The following AMOTL2 variants were observed in gnomAD, a reference collection of about 807,000 sequenced individuals.
AMOTL2 encodes angiomotin like 2.
In AMOTL2, 33 loss-of-function variants were observed where a neutral mutation model predicts 78.4. The ratio of observed to expected loss-of-function variants is 0.42; its 90% CI spans 0.32 to 0.56. The LOEUF is 0.56. Ranked by LOEUF, AMOTL2 falls within the 20% of genes least tolerant of loss-of-function variation. The pLI is 0.12. For synonymous variants in AMOTL2, 422 were observed against 428.8 expected (o/e 0.98, Z 0.20); for missense variants, 983 against 1,030.1 (o/e 0.95, Z 0.63).
Position 134,367,485 on chromosome 3 carries a change from A to T in AMOTL2, c.1041+12T>A, listed in dbSNP as rs2017659226. The T allele has an allele frequency of 6.2e-7, 1 of 1,610,122 alleles. No homozygotes were observed. Among genetic ancestry groups the T allele is most frequent in the Admixed American group, 1.7e-5 (1 of 59,434 alleles). ...TTCTGGTCTGCCCTTCTGAAGCCCC[A>T]GCAGGGCCTACCTTCTCAATGCGGC... On this transcript the variant is annotated intron_variant, in intron 3 of 9. Coordinates refer to ENST00000249883, the MANE Select transcript of AMOTL2 (RefSeq NM_016201.4).
chr3:134,358,560 C>T lies in AMOTL2; in HGVS notation c.2264G>A (p.Ser755Asn), dbSNP rs764845283. The T allele has an allele frequency of 1.3e-5, 21 of 1,613,740 alleles. 1 individual carries two copies. In the South Asian group the frequency reaches 2.3e-4, roughly 18 times the overall value. ...EPDSLLGCSSSQRAASLDSVA... is the reference protein window; with the variant it reads ...EPDSLLGCSSNQRAASLDSVA... ...CTTACCCAGAGAGGCTGCTCTCTGG[C>T]TACTGCTGCACCCCAGAAGGCTGTC... is the stretch of plus-strand genomic sequence containing the variant. Residue 755 changes from serine to asparagine, a missense_variant, in exon 9 of 10, where the codon AGC becomes AAC. Ser to Asn is a conservative substitution (Grantham distance 46). Transcript: ENST00000249883.
At chr3:134,364,045 C>A (rs1445850807) in intron 5 of AMOTL2, among the ~76,000 whole-genome samples, 1 of 152,150 alleles carries the variant, frequency 6.6e-6, no homozygotes, top group Non-Finnish European at 1.5e-5. Context: ...GCCCGAAGGC[C>A]AGCGGAGGAG....
chr3:134,370,418 CT>C (rs2017797050), intron 2 of AMOTL2, among the ~76,000 whole-genome samples: 2 of 152,222 alleles, frequency 1.3e-5, no homozygotes, highest in South Asian at 4.1e-4. Context: ...CTTTAACCCC[CT>C]GCTGCAATTT....
Position 134,367,663 on chromosome 3 carries a change from G to A in AMOTL2, c.875C>T (p.Ala292Val). Residue 292 changes from alanine (A) to valine (V), a missense_variant, in exon 3 of 10, where the codon GCT becomes GTT. Coordinates refer to ENST00000249883, the MANE Select transcript of AMOTL2 (RefSeq NM_016201.4). ...CTGGGCACTCACTGGCCCCTCCACA[G>A]CAGGTGGACTGAGGGAGCTCAGGGG... ...HGPLSSLSPPAVEGPVSAQAS... is the reference protein window; with the variant it reads ...HGPLSSLSPPVVEGPVSAQAS... 1 of 1,613,484 alleles carries A rather than the reference G, an allele frequency of 6.2e-7. No individual in the cohort carries two copies. Among genetic ancestry groups the A allele is most frequent in the African/African-American group, 1.3e-5 (1 of 75,042 alleles).
At position 134,359,415 on chromosome 3, in the gene AMOTL2, T is replaced by TGGCCTTGCCA. The variant is rs1421021449; in HGVS notation, c.1962_1971dup (p.Ile658TrpfsTer34). Reference sequence around the variant, plus strand: ...TTGGCAGGCCGCAGGGAGCCCTGGATGGCCTTGCCAGGGTCTCTCCTGGAG... The same window carrying TGGCCTTGCCA: ...TTGGCAGGCCGCAGGGAGCCCTGGATGGCCTTGCCAGGCCTTGCCAGGGTCTCTCCTGGAG... On this transcript the variant is annotated frameshift_variant, in exon 8 of 10. Coordinates refer to ENST00000249883, the MANE Select transcript of AMOTL2 (RefSeq NM_016201.4). LOFTEE classifies it high-confidence loss of function. 1 of 1,614,198 alleles carries TGGCCTTGCCA rather than the reference T, an allele frequency of 6.2e-7. No individual in the cohort carries two copies.
intron 2 of AMOTL2, 145 bp from the exon 3 acceptor site, chr3:134,367,948 G>A (rs2017685868): frequency 4.5e-6 from 3 of 666,488 alleles, no homozygotes; most frequent in Admixed American, 7.0e-5. Context: ...AATTACTGCA[G>A]ATAATTATTC....
At chr3:134,366,582 T>C in intron 3 of AMOTL2, 155 bp from the exon 4 acceptor site, 1 of 721,614 alleles carries the variant, frequency 1.4e-6, no homozygotes, top group Non-Finnish European at 2.2e-6. Flanking sequence ...GGTCAGAAGC[T>C]TGTAGCCTCC....
At chr3:134,371,645 G>T in intron 1 of AMOTL2, 151 bp from the exon 2 acceptor site, 1 of 1,287,068 alleles carries the variant, frequency 7.8e-7, no homozygotes, top group Non-Finnish European at 1.0e-6. Context: ...CTGGGTTCAA[G>T]TACCAGTGCT....
chr3:134,358,813 G>A (rs2017206228), intron 8 of AMOTL2, 94 bp from the exon 9 acceptor site: 1 of 1,450,490 alleles, frequency 6.9e-7, no homozygotes, highest in East Asian at 2.3e-5. Context: ...GGGATTCAAG[G>A]TGGAGTGGGC....
At chr3:134,375,252 CT>C, upstream of AMOTL2, 1 of 1,535,706 alleles carries the variant, frequency 6.5e-7, no homozygotes, top group Non-Finnish European at 8.7e-7. Flanking sequence ...ATAGGCGCCC[CT>C]TTACGCAGAG....
chr3:134,361,163 T>C (rs2017341589), intron 6 of AMOTL2, among the ~76,000 whole-genome samples: 1 of 150,646 alleles, frequency 6.6e-6, no homozygotes, highest in African/African-American at 2.5e-5. Flanking sequence ...AGAATGAGAT[T>C]CCATCTCAAA....
chr3:134,367,351 T>C, intron 3 of AMOTL2, 146 bp downstream of exon 3: 1 of 940,474 alleles, frequency 1.1e-6, no homozygotes, highest in Admixed American at 2.8e-5. Flanking sequence ...GCATGAGGAG[T>C]GAGGGAGGTG....
Position 134,357,562 on chromosome 3 carries a change from C to T in AMOTL2, c.*143G>A. On this transcript the variant is annotated 3_prime_UTR_variant, in exon 10 of 10. Transcript: ENST00000249883. The stretch of plus-strand genomic sequence containing the variant: ...CCCCTGGGGTCCTCCTCCTGAGCTC[C>T]TGGGACCAGATGGTCAATGGGAATG... The T allele has an allele frequency of 1.1e-6, 1 of 885,334 alleles. No individual in the cohort carries two copies. Among genetic ancestry groups the T allele is most frequent in the Non-Finnish European group, 1.9e-6 (1 of 534,830 alleles). 54.8% of individuals were successfully genotyped at this position (885,334 alleles called of 1,614,324 possible).
intron 4 of AMOTL2, 117 bp from the exon 5 acceptor site, chr3:134,366,026 G>C: frequency 8.4e-7 from 1 of 1,194,694 alleles, no homozygotes; most frequent in Non-Finnish European, 1.2e-6. Context: ...GGTTCATAAG[G>C]AAACCCCAGC....
chr3:134,364,457 A>G (rs1258061214), intron 5 of AMOTL2, among the ~76,000 whole-genome samples: 1 of 151,814 alleles, frequency 6.6e-6, no homozygotes, highest in Admixed American at 6.6e-5. Context: ...CTTCCTCCAC[A>G]GGCACCCTAA....
At position 134,357,710 on chromosome 3, in the gene AMOTL2, T is replaced by A; in HGVS notation, c.2338A>T (p.Ile780Phe). The change falls in exon 10 of 10, where the codon ATC becomes TTC. Residue 780 changes from isoleucine to phenylalanine, a missense_variant. By Grantham distance (21) the Ile-to-Phe change is conservative (BLOSUM62 0). Coordinates refer to ENST00000249883, the MANE Select transcript of AMOTL2 (RefSeq NM_016201.4). ...QDLSDMVEIL[I>F] Reference sequence around the variant, plus strand: ...GTCCTGAAGCACCACCTCCTTCAGATCAGTATCTCCACCATGTCTGACAAG... The same window carrying A: ...GTCCTGAAGCACCACCTCCTTCAGAACAGTATCTCCACCATGTCTGACAAG... The A allele has an allele frequency of 6.2e-7, 1 of 1,614,148 alleles. No homozygotes were observed. Among genetic ancestry groups the A allele is most frequent in the Non-Finnish European group, 8.5e-7 (1 of 1,180,012 alleles).
intron 5 of AMOTL2, among the ~76,000 whole-genome samples, chr3:134,363,303 A>T (rs1164665777): frequency 1.0e-5 from 1 of 95,964 alleles, no homozygotes; most frequent in Non-Finnish European, 2.9e-5. Flanking sequence ...CATGGAGGAA[A>T]ATACGAGGAA....
intron 8 of AMOTL2, among the ~76,000 whole-genome samples, 164 bp from the exon 9 acceptor site, chr3:134,358,883 C>CT (rs2017208463): frequency 6.6e-6 from 1 of 152,240 alleles, no homozygotes; most frequent in Non-Finnish European, 1.5e-5. Context: ...ATGGGAATAA[C>CT]TACCAGATTG....
In AMOTL2 at chr3:134,371,312, C is replaced by T. The variant is rs766369357; in HGVS notation, c.122G>A (p.Gly41Asp). 1.1e-5 allele frequency: 17 copies of T among 1,612,288 alleles called. No homozygotes were observed. Among genetic ancestry groups the T allele is most frequent in the Non-Finnish European group, 1.4e-5 (17 of 1,180,016 alleles). Reference protein sequence around the residue: ...LLAIQQQALRGGAGTGGTGSP... With the variant: ...LLAIQQQALRDGAGTGGTGSP... Reference sequence around the variant, plus strand: ...CCCTGTACCCCCAGTTCCAGCCCCACCCCTCAGGGCCTGCTGCTGGATGGC... The same window carrying T: ...CCCTGTACCCCCAGTTCCAGCCCCATCCCTCAGGGCCTGCTGCTGGATGGC... The change falls in exon 2 of 10, where the codon GGT (glycine) becomes GAT (aspartate). Residue 41 changes from glycine to aspartate, a missense_variant. Gly to Asp is a moderately conservative substitution (Grantham distance 94). Transcript: ENST00000249883.
Sources: allele counts gnomAD v4.1 joint callset (sites outside exome capture counted in the v4.1 genomes callset), GRCh38; gene constraint gnomAD v4.1.1; transcripts MANE v1.5; gene names NCBI Gene and HGNC (gene_info 2026-07-23, HGNC 2026-07-21).